Variants in GPBP1 observed in about 807,000 individuals in gnomAD.
GPBP1 encodes the protein vasculin.
GPBP1 carries 13 observed loss-of-function variants against 56.5 expected under a neutral mutation model. The observed-to-expected ratio is 0.23, with a 90% CI of 0.15 to 0.37. GPBP1 has a LOEUF of 0.37. Ranked by LOEUF, GPBP1 falls within the 10% of genes least tolerant of loss-of-function variation. GPBP1 has a pLI of 1.00. For synonymous variants in GPBP1, 204 were observed against 188.9 expected (o/e 1.08, Z -0.66); for missense variants, 477 against 572.3 (o/e 0.83, Z 1.70).
At position 57,183,611 on chromosome 5, in the gene GPBP1, G is replaced by A. The variant is rs117314643; in HGVS notation, c.-58+7211G>A. On this transcript the variant is annotated intron_variant, in intron 2 of 11. Coordinates refer to ENST00000506184, the MANE Select transcript of GPBP1 (RefSeq NM_022913.4). ...TGAGCTATGATTGTATCACTGCACT[G>A]TAGCCTATGCACCAAACAAGAACCG... Among the ~76,000 whole-genome samples the A allele has an allele frequency of 9.9e-5, 15 of 152,078 alleles. No homozygotes were observed. The East Asian group carries it at 2.9e-3, about 29-fold the overall frequency.
intron 2 of GPBP1, among the ~76,000 whole-genome samples, chr5:57,200,537 T>G (rs1341995067): frequency 1.3e-5 from 2 of 151,672 alleles, no homozygotes; most frequent in African/African-American, 4.8e-5. Context: ...CTGGCTAATT[T>G]TTTGTATCTT....
Position 57,230,943 on chromosome 5 carries a change from A to G in GPBP1, c.161A>G (p.Asp54Gly), listed in dbSNP as rs369654172. 1.2e-5 allele frequency: 20 copies of G among 1,611,716 alleles called. 1 individual carries two copies. In the South Asian group the frequency reaches 1.6e-4, roughly 13 times the overall value. The change falls in exon 4 of 12, where the codon GAT (aspartate) becomes GGT (glycine). Residue 54 changes from aspartate to glycine, a missense_variant. Physicochemically the swap from Asp to Gly is moderately conservative, Grantham distance 94. Transcript: ENST00000506184. ...CGACACAACTCTTCAGATGGCTTTG[A>G]TTCTGCTATTGGGCGTCCTAATGGA... Reference protein sequence around the residue: ...RRRHNSSDGFDSAIGRPNGGN... With the variant: ...RRRHNSSDGFGSAIGRPNGGN...
chr5:57,196,948 ATTTTT>A (rs1045364468), intron 2 of GPBP1, among the ~76,000 whole-genome samples: 1 of 151,740 alleles, frequency 6.6e-6, no homozygotes, highest in African/African-American at 2.4e-5. Flanking sequence ...TACCTGGCTA[ATTTTT>A]TTATTTTTAG....
chr5:57,235,639 T>C (rs1756630724), intron 5 of GPBP1, among the ~76,000 whole-genome samples: 1 of 152,190 alleles, frequency 6.6e-6, no homozygotes, highest in South Asian at 2.1e-4. Flanking sequence ...TATGAGTAAT[T>C]CATGTTTAAT....
At chr5:57,257,183 C>T (rs1370609375) in intron 10 of GPBP1, among the ~76,000 whole-genome samples, 4 of 151,860 alleles carry the variant, frequency 2.6e-5, no homozygotes, top group African/African-American at 4.8e-5. Flanking sequence ...TACAGGCACC[C>T]GCCACAACAC....
chr5:57,186,125 G>C (rs1012714290), intron 2 of GPBP1, among the ~76,000 whole-genome samples: 1 of 152,040 alleles, frequency 6.6e-6, no homozygotes, highest in African/African-American at 2.4e-5. Context: ...TAAAATGCCT[G>C]GTGGCTCATG....
At chr5:57,250,765 A>C (rs1352705185) in intron 9 of GPBP1, among the ~76,000 whole-genome samples, 189 bp from the exon 10 acceptor site, 4 of 151,768 alleles carry the variant, frequency 2.6e-5, no homozygotes, top group Non-Finnish European at 4.4e-5. Context: ...GGCTCGTCGC[A>C]AACTCCTGAC....
At chr5:57,177,721 G>A (rs1256149063) in intron 2 of GPBP1, among the ~76,000 whole-genome samples, 2 of 129,506 alleles carry the variant, frequency 1.5e-5, no homozygotes, top group Non-Finnish European at 3.1e-5. Context: ...GGCTAGCCTC[G>A]AACTCTTGAC....
At chr5:57,246,278 T>C (rs1380091984) in intron 6 of GPBP1, 22 bp from the exon 7 acceptor site, 2 of 1,583,994 alleles carry the variant, frequency 1.3e-6, no homozygotes, top group Non-Finnish European at 1.7e-6. Context: ...GAGTGACTCT[T>C]GGTCATGCTT....
chr5:57,202,133 A>G (rs897689668), intron 2 of GPBP1, among the ~76,000 whole-genome samples: 2 of 152,056 alleles, frequency 1.3e-5, no homozygotes, highest in Non-Finnish European at 2.9e-5. Flanking sequence ...AGCTGGGACT[A>G]CGGGTGCATG....
At chr5:57,211,566 C>G (rs1755476660) in intron 2 of GPBP1, among the ~76,000 whole-genome samples, 2 of 91,098 alleles carry the variant, frequency 2.2e-5, no homozygotes, top group East Asian at 4.5e-4. Context: ...AGTGGTTTGC[C>G]TCCGGGGATT....
chr5:57,181,392 G>A (rs1327129109), intron 2 of GPBP1, among the ~76,000 whole-genome samples: 2 of 149,554 alleles, frequency 1.3e-5, no homozygotes, highest in African/African-American at 2.5e-5. Flanking sequence ...TTGGCGCTGC[G>A]ATCGCGACAC....
intron 10 of GPBP1, among the ~76,000 whole-genome samples, chr5:57,254,008 G>T (rs920295844): frequency 6.6e-6 from 1 of 152,138 alleles, no homozygotes; most frequent in Non-Finnish European, 1.5e-5. Flanking sequence ...CACAGTGATG[G>T]TTCACTGATA....
In GPBP1 at chr5:57,212,567, C is replaced by T. The variant is rs1755533369; in HGVS notation, c.-57-1507C>T. On this transcript the variant is annotated intron_variant, in intron 2 of 11. Transcript: ENST00000506184. Reference sequence around the variant, plus strand: ...GTATCAGAGTTTTTCTCCCTAAGCCCATATTGAGCATTTAAACATTTTCAC... The same window carrying T: ...GTATCAGAGTTTTTCTCCCTAAGCCTATATTGAGCATTTAAACATTTTCAC... Among the ~76,000 whole-genome samples the T allele has an allele frequency of 3.3e-5, 5 of 152,080 alleles. No homozygotes were observed. In the South Asian group the frequency reaches 8.3e-4, roughly 25 times the overall value.
chr5:57,237,078 G>C (rs780881329), intron 6 of GPBP1: 1 of 1,447,142 alleles, frequency 6.9e-7, no homozygotes, highest in Non-Finnish European at 9.5e-7. Context: ...TGTTTTTTCT[G>C]TATTGCAAAT....
chr5:57,248,496 C>T (rs1174630885), intron 8 of GPBP1, among the ~76,000 whole-genome samples: 2 of 143,678 alleles, frequency 1.4e-5, no homozygotes, highest in East Asian at 2.1e-4. Flanking sequence ...GGCGGGATCT[C>T]GGCTCACTGC....
intron 3 of GPBP1, among the ~76,000 whole-genome samples, chr5:57,220,491 G>A (rs1755908350): frequency 6.9e-6 from 1 of 145,390 alleles, no homozygotes; most frequent in African/African-American, 2.6e-5. Flanking sequence ...ATGGAGTCTC[G>A]CTCTGTCGCC....
Position 57,176,330 on chromosome 5 carries a change from A to T in GPBP1, c.-128A>T. On this transcript the variant is annotated 5_prime_UTR_variant, in exon 2 of 12. It introduces an in-frame stop codon into an upstream open reading frame of the 5' UTR. Coordinates refer to ENST00000506184, the MANE Select transcript of GPBP1 (RefSeq NM_022913.4). Reference sequence around the variant, plus strand: ...ATATTATTTCAGAGGATACAAAATAAAAATACAAACTGGAAAATAAAGATT... The same window carrying T: ...ATATTATTTCAGAGGATACAAAATATAAATACAAACTGGAAAATAAAGATT... The T allele has an allele frequency of 7.8e-6, 2 of 255,552 alleles. No individual in the cohort carries two copies. 15.8% of individuals were successfully genotyped at this position (255,552 alleles called of 1,614,324 possible).
chr5:57,181,086 C>T (rs958680928), intron 2 of GPBP1, among the ~76,000 whole-genome samples: 6 of 152,192 alleles, frequency 3.9e-5, no homozygotes, highest in Non-Finnish European at 7.3e-5. Context: ...GTAATCCCAA[C>T]AGTTTGGGAG....
Sources: gnomAD v4.1 joint callset for allele counts (sites outside exome capture counted in the v4.1 genomes callset) on GRCh38, gnomAD v4.1.1 for gene constraint, MANE v1.5 for transcripts, NCBI Gene and HGNC (gene_info 2026-07-23, HGNC 2026-07-21) for gene names.